PMEL: variants seen among roughly 807,000 people sequenced by gnomAD.
The protein encoded by PMEL is premelanosome protein.
In PMEL, 53 loss-of-function variants were observed where a neutral mutation model predicts 64.9. The observed-to-expected ratio is 0.82, with a 90% CI of 0.66 to 1.03. PMEL has a LOEUF of 1.03. Ranked by LOEUF, PMEL falls within the 50% of genes least tolerant of loss-of-function variation. The probability of loss-of-function intolerance (pLI) is 0.00; values close to 1 mark genes in which losing one functional copy is unlikely to be tolerated. For missense variants in PMEL, 716 were observed against 814.9 expected, an observed-to-expected ratio of 0.88 and a Z score of 1.48; for synonymous variants, 299 against 316.2, an observed-to-expected ratio of 0.95 and a Z score of 0.58.
chr12:55,957,998 C>T lies in PMEL; in HGVS notation c.556G>A (p.Val186Met). 6.2e-7 allele frequency: 1 copy of T among 1,614,246 alleles called. No individual in the cohort carries two copies. The highest frequency in any genetic ancestry group is 8.5e-7 in the Non-Finnish European group (1 of 1,180,056). ...GATCCCCGGCGATGGTAGACAGTCA[C>T]TTCCATGGTGTGTGTGCCCAGCATT... ...RAMLGTHTME[V>M]TVYHRRGSRS... is the part of the protein sequence containing the mutation. The change falls in exon 5 of 11, where the codon GTG becomes ATG. Residue 186 changes from valine to methionine, a missense_variant. Val to Met is a conservative substitution (Grantham distance 21). Coordinates refer to ENST00000548747, the MANE Select transcript of PMEL (RefSeq NM_001384361.1).
At chr12:55,955,692 T>C (rs1888848082) in intron 8 of PMEL, 23 bp from the exon 9 acceptor site, 1 of 1,611,896 alleles carries the variant, frequency 6.2e-7, no homozygotes, top group Non-Finnish European at 8.5e-7. Flanking sequence ...TCAGCATATA[T>C]AAGGGGATCT....
chr12:55,961,333 G>T lies in PMEL; in HGVS notation c.318C>A (p.Asn106Lys). ...AGTACTCACCATTGATGATGGTATT[G>T]TTGACCCAGATAACCTGCCCATCTG... ...VLPDGQVIWV[N>K]NTIINGSQVW... Residue 106 changes from asparagine to lysine, a missense_variant, in exon 3 of 11, where the codon AAC becomes AAA. Transcript: ENST00000548747. 4 of 1,614,128 alleles carry T rather than the reference G, an allele frequency of 2.5e-6. No individual in the cohort carries two copies. Among genetic ancestry groups the T allele is most frequent in the Non-Finnish European group, 3.4e-6 (4 of 1,179,974 alleles).
chr12:55,957,462 G>A lies in PMEL; in HGVS notation c.841C>T (p.Leu281=). The change falls in exon 6 of 11, where the codon CTG becomes TTG. Residue 281 remains leucine (L), a synonymous_variant. Coordinates refer to ENST00000548747, the MANE Select transcript of PMEL (RefSeq NM_001384361.1). ...TGGGCAGTGACTGGGCCAGGCTCCA[G>A]GTAAGTATGAGTGACCACAAGTGCC... is the stretch of plus-strand genomic sequence containing the variant. The part of the protein sequence containing the change: ...SRALVVTHTY[L]EPGPVTAQVV... 6.2e-7 allele frequency: 1 copy of A among 1,613,926 alleles called. No homozygotes were observed. Among genetic ancestry groups the A allele is most frequent in the Non-Finnish European group, 8.5e-7 (1 of 1,179,922 alleles).
intron 3 of PMEL, chr12:55,958,827 G>A (rs908239320): frequency 5.7e-6 from 3 of 525,210 alleles, no homozygotes; most frequent in Non-Finnish European, 6.8e-6. Flanking sequence ...TGATGCCCAG[G>A]CTGGAGTGCA....
In PMEL at chr12:55,958,561, G is replaced by A. The variant is rs537352418; in HGVS notation, c.381C>T (p.Asp127=). 2.7e-5 allele frequency: 43 copies of A among 1,613,854 alleles called. 1 individual carries two copies. The South Asian group carries it at 2.7e-4, about 10-fold the overall frequency. The change falls in exon 4 of 11, where the codon GAC becomes GAT. Residue 127 remains aspartate (D), a synonymous_variant. Coordinates refer to ENST00000548747, the MANE Select transcript of PMEL (RefSeq NM_001384361.1). The stretch of plus-strand genomic sequence containing the variant: ...CACCATCAGGGAAGATGCAGGCATC[G>A]TCAGTTTCCTGGGGATACACTGGCT... ...GGQPVYPQET[D]DACIFPDGGP...
At chr12:55,960,404 C>A (rs1330713913) in intron 3 of PMEL, among the ~76,000 whole-genome samples, 1 of 151,810 alleles carries the variant, frequency 6.6e-6, no homozygotes, top group African/African-American at 2.4e-5. Flanking sequence ...GAGACAGGGT[C>A]TCACTCTGTC....
At chr12:55,965,140 GCTGGTCTCGAA>G (rs1284047847) in intron 1 of PMEL, among the ~76,000 whole-genome samples, 8 of 151,744 alleles carry the variant, frequency 5.3e-5, no homozygotes, top group Non-Finnish European at 2.9e-5. Flanking sequence ...TATTGGCCAG[GCTGGTCTCGAA>G]CTCCTGACCT....
chr12:55,956,165 T>C lies in PMEL; in HGVS notation c.1409A>G (p.Gln470Arg). The C allele has an allele frequency of 1.2e-6, 2 of 1,614,098 alleles. No homozygotes were observed. The highest frequency in any genetic ancestry group is 1.7e-6 in the Non-Finnish European group (2 of 1,179,950). ...GTATLRLVKR[Q>R]VPLDCVLYRY... Reference sequence around the variant, plus strand: ...ATACAGAACACAATCCAGGGGGACTTGTCTCTTCACCAGCCTTAAGGTGGC... The same window carrying C: ...ATACAGAACACAATCCAGGGGGACTCGTCTCTTCACCAGCCTTAAGGTGGC... Residue 470 changes from glutamine to arginine, a missense_variant, in exon 7 of 11, where the codon CAA becomes CGA. Physicochemically the swap from Gln to Arg is conservative, Grantham distance 43. Transcript: ENST00000548747.
At chr12:55,960,210 CAA>C (rs56810428) in intron 3 of PMEL, among the ~76,000 whole-genome samples, 10 of 56,224 alleles carry the variant, frequency 1.8e-4, no homozygotes, top group Admixed American at 4.1e-4. Flanking sequence ...GACTCTGTCT[CAA>C]AAAAAAAAAA....
chr12:55,957,577 G>C lies in PMEL; in HGVS notation c.726C>G (p.Leu242=). ...FLRNQPLTFA[L]QLHDPSGYLA... is the part of the protein sequence containing the mutation. ...GATAGCCACTGGGGTCATGGAGCTG[G>C]AGGGCAAAGGTCAGAGGCTGATTTC... The change falls in exon 6 of 11, where the codon CTC becomes CTG. Residue 242 remains leucine (L), a synonymous_variant. Transcript: ENST00000548747. The C allele has an allele frequency of 1.2e-6, 2 of 1,613,936 alleles. No individual in the cohort carries two copies. Among genetic ancestry groups the C allele is most frequent in the Non-Finnish European group, 8.5e-7 (1 of 1,179,996 alleles).
At chr12:55,964,128 G>A (rs551423256) in intron 1 of PMEL, among the ~76,000 whole-genome samples, 10 of 150,988 alleles carry the variant, frequency 6.6e-5, no homozygotes, top group Non-Finnish European at 1.2e-4. Context: ...GACCACAGGT[G>A]CTCACCACCA....
At position 55,957,005 on chromosome 12, in the gene PMEL, A is replaced by G. The variant is rs1336123547; in HGVS notation, c.1298T>C (p.Ile433Thr). 5.6e-6 allele frequency: 9 copies of G among 1,614,030 alleles called. No homozygotes were observed. The highest frequency in any genetic ancestry group is 1.6e-4 in the Middle Eastern group (1 of 6,084). ...WVETTARELP[I>T]PEPEGPDASS... Reference sequence around the variant, plus strand: ...GGCATCTGGACCTTCAGGCTCAGGGATAGGTAGCTCTCTAGCTGTGGTCTC... The same window carrying G: ...GGCATCTGGACCTTCAGGCTCAGGGGTAGGTAGCTCTCTAGCTGTGGTCTC... The change falls in exon 6 of 11, where the codon ATC becomes ACC. Residue 433 changes from isoleucine to threonine, a missense_variant. Transcript: ENST00000548747.
chr12:55,955,233 T>C (rs1432316639), intron 10 of PMEL, 41 bp downstream of exon 10: 5 of 1,374,834 alleles, frequency 3.6e-6, no homozygotes, highest in South Asian at 1.2e-5. Flanking sequence ...GTAGTGATAA[T>C]AAGGGATAAG....
At chr12:55,954,402 C>CA (rs1888754328) in intron 10 of PMEL, 53 bp from the exon 11 acceptor site, 1 of 1,599,678 alleles carries the variant, frequency 6.3e-7, no homozygotes, top group South Asian at 1.1e-5. Context: ...GGTAGCTTGT[C>CA]TGTGCTTCTC....
intron 3 of PMEL, among the ~76,000 whole-genome samples, chr12:55,960,210 C>CAAAAAAAAAAAAAAAAAAA (rs56810428): frequency 1.8e-5 from 1 of 56,250 alleles, no homozygotes; most frequent in African/African-American, 7.4e-5. Flanking sequence ...GACTCTGTCT[C>CAAAAAAAAAAAAAAAAAAA]AAAAAAAAAA....
chr12:55,960,875 A>G (rs1183804885), intron 3 of PMEL, among the ~76,000 whole-genome samples: 1 of 149,876 alleles, frequency 6.7e-6, no homozygotes, highest in East Asian at 2.0e-4. Flanking sequence ...TTTAACTACA[A>G]TGAGTATGTA....
intron 3 of PMEL, among the ~76,000 whole-genome samples, chr12:55,960,223 AAAG>A (rs1299109560): frequency 8.9e-5 from 13 of 146,498 alleles, no homozygotes; most frequent in South Asian, 4.3e-4. Context: ...AAAAAAAAAA[AAAG>A]AAAAGAAAAG....
At chr12:55,956,672 C>T (rs886295708) in intron 6 of PMEL, 10 of 411,578 alleles carry the variant, frequency 2.4e-5, no homozygotes, top group African/African-American at 2.0e-4. Flanking sequence ...TATAAATGAT[C>T]ACAGTCTGTT....
Position 55,956,138 on chromosome 12 carries a change from C to T in PMEL, c.1436G>A (p.Arg479Gln), listed in dbSNP as rs201446120. 4.3e-6 allele frequency: 7 copies of T among 1,613,758 alleles called. No individual in the cohort carries two copies. The highest frequency in any genetic ancestry group is 5.9e-6 in the Non-Finnish European group (7 of 1,179,664). The change falls in exon 7 of 11, where the codon CGA becomes CAA. Residue 479 changes from arginine to glutamine, a missense_variant. Transcript: ENST00000548747. ...RQVPLDCVLY[R>Q]YGSFSVTLDI... ...CAGGGTGACGGAAAAGGAACCATAT[C>T]GATACAGAACACAATCCAGGGGGAC...
Sources: allele counts gnomAD v4.1 joint callset (sites outside exome capture counted in the v4.1 genomes callset), GRCh38; gene constraint gnomAD v4.1.1; transcripts MANE v1.5; gene names NCBI Gene and HGNC (gene_info 2026-07-23, HGNC 2026-07-21).